HDAC4: variants seen among roughly 807,000 people sequenced by gnomAD.
HDAC4 encodes the protein histone deacetylase 4.
A neutral mutation model predicts 135.1 loss-of-function variants in HDAC4; 16 were observed. The ratio of observed to expected loss-of-function variants is 0.12; its 90% confidence interval spans 0.08 to 0.18. The LOEUF (loss-of-function observed/expected upper bound fraction) is 0.18, where lower values mean the gene tolerates loss of function less well. Ranked by LOEUF, HDAC4 falls within the 10% of genes least tolerant of loss-of-function variation. The pLI is 1.00. For synonymous variants in HDAC4, 685 were observed against 653.4 expected (o/e 1.05, Z -0.74); for missense variants, 1,143 against 1,511.8 (o/e 0.76, Z 4.05).
rs753482334 is a variant in HDAC4 at position 239,095,037 on chromosome 2, G to A, written c.2253C>T (p.Phe751=). The A allele has an allele frequency of 1.5e-5, 25 of 1,613,702 alleles. No homozygotes were observed. Among genetic ancestry groups the A allele is most frequent in the South Asian group, 1.5e-4 (14 of 91,068 alleles). The part of the protein sequence containing the change: ...KKLLGSLASV[F]VRLPCGGVGV... ...CAACACCACCGCAAGGGAGCCGGAC[G>A]AACACGGAGGCGAGCGAGCCTGTGG... The change falls in exon 17 of 27, where the codon TTC becomes TTT. Residue 751 remains phenylalanine, a synonymous_variant. Transcript: ENST00000543185.
chr2:239,335,255 CA>C (rs996617143), intron 2 of HDAC4, among the ~76,000 whole-genome samples: 3 of 151,592 alleles, frequency 2.0e-5, no homozygotes, highest in African/African-American at 7.3e-5. Context: ...TCACTTATGA[CA>C]AAGTTGCATT....
Position 239,141,128 on chromosome 2 carries a change from C to T in HDAC4, c.866-1332G>A, listed in dbSNP as rs1317094866. On this transcript the variant is annotated intron_variant, in intron 8 of 26. Coordinates refer to ENST00000543185, the MANE Select transcript of HDAC4 (RefSeq NM_001378414.1). This position sits in a 1 kb window ranked among gnomAD's most constrained non-coding sequence, Gnocchi z 4.9. ...CAGCAACATCACTCGTCCCAGGCCA[C>T]GTGGCTTGAGGGAACTGTCATGGGC... Among the ~76,000 whole-genome samples, 3 of 152,154 alleles carry T rather than the reference C, an allele frequency of 2.0e-5. No individual in the cohort carries two copies. Among genetic ancestry groups the T allele is most frequent in the Non-Finnish European group, 4.4e-5 (3 of 68,030 alleles).
chr2:239,250,674 G>A (rs982130986), intron 2 of HDAC4, among the ~76,000 whole-genome samples: 1 of 152,236 alleles, frequency 6.6e-6, no homozygotes, highest in Admixed American at 6.5e-5. Flanking sequence ...GAACGTCTTG[G>A]CCTCTCCAAG....
rs192523799 is a variant in HDAC4, at chr2:239,063,394, C to T, written c.3003+3328G>A. ...TTTTTTTTTGTATTTTTAGTAGAGA[C>T]GGGGTTTCACCATGTTAGCCAGGAT... On this transcript the variant is annotated intron_variant, in intron 24 of 26. Coordinates refer to ENST00000543185, the MANE Select transcript of HDAC4 (RefSeq NM_001378414.1). Among the ~76,000 whole-genome samples, 1,188 of 152,022 alleles carry T rather than the reference C, an allele frequency of 7.8e-3. 12 individuals carry two copies. Among genetic ancestry groups the T allele is most frequent in the South Asian group, 0.012 (57 of 4,816 alleles).
chr2:239,094,875 C>G, intron 17 of HDAC4, 135 bp downstream of exon 17: 1 of 1,588,836 alleles, frequency 6.3e-7, no homozygotes, highest in Non-Finnish European at 8.6e-7. Context: ...TTTGAAGCCG[C>G]ACATGGGCAG....
chr2:239,371,990 C>T (rs1392767729), intron 1 of HDAC4, among the ~76,000 whole-genome samples: 6 of 152,338 alleles, frequency 3.9e-5, no homozygotes, highest in African/African-American at 7.2e-5. Context: ...CAGCTGCACC[C>T]GCAGAGCTGC....
At chr2:239,291,330 A>C (rs2051482859) in intron 2 of HDAC4, among the ~76,000 whole-genome samples, 1 of 152,218 alleles carries the variant, frequency 6.6e-6, no homozygotes, top group Non-Finnish European at 1.5e-5. Context: ...TTGCCAGGCC[A>C]GCTGCGACAC....
At chr2:239,375,233 TC>T (rs1456775418) in intron 1 of HDAC4, among the ~76,000 whole-genome samples, 2 of 152,080 alleles carry the variant, frequency 1.3e-5, no homozygotes, top group Admixed American at 6.5e-5. Context: ...GGCCTGGGAA[TC>T]AGAGGAGCAG....
At chr2:239,355,859 G>A (rs1386921239) in intron 1 of HDAC4, among the ~76,000 whole-genome samples, 1 of 152,176 alleles carries the variant, frequency 6.6e-6, no homozygotes, top group Non-Finnish European at 1.5e-5. Flanking sequence ...AAGCTGACAT[G>A]CACGGTTCCT....
chr2:239,104,557 G>A (rs938371822), intron 15 of HDAC4, among the ~76,000 whole-genome samples: 1 of 152,220 alleles, frequency 6.6e-6, no homozygotes, highest in Admixed American at 6.5e-5. Flanking sequence ...ATGACTTCAG[G>A]AAGCCCACAT....
intron 2 of HDAC4, among the ~76,000 whole-genome samples, chr2:239,251,815 C>T (rs55923839): frequency 0.021 from 3,257 of 152,142 alleles, 117 homozygotes; most frequent in African/African-American, 0.075. Flanking sequence ...CCAACAAAAC[C>T]AGCTTTTCTG....
At chr2:239,087,442 G>A in intron 19 of HDAC4, 117 bp downstream of exon 19, 1 of 988,836 alleles carries the variant, frequency 1.0e-6, no homozygotes, top group South Asian at 1.5e-5. Context: ...GGCACATCCT[G>A]GGTGGCCAGC....
At chr2:239,337,490 A>T (rs1692015870) in intron 2 of HDAC4, among the ~76,000 whole-genome samples, 1 of 152,208 alleles carries the variant, frequency 6.6e-6, no homozygotes, top group Non-Finnish European at 1.5e-5. Flanking sequence ...TCACGGGAGT[A>T]AGCAAAATGA....
In HDAC4 at chr2:239,352,286, C is replaced by T. The variant is rs577139373; in HGVS notation, c.22+392G>A. On this transcript the variant is annotated intron_variant, in intron 2 of 26. Coordinates refer to ENST00000543185, the MANE Select transcript of HDAC4 (RefSeq NM_001378414.1). This position sits in a 1 kb window ranked among gnomAD's most constrained non-coding sequence, Gnocchi z 4.4. ...TGAGCTTCTTCCCAGACAGCCCAGA[C>T]GCCCAGTTGGAGGAGCACTCCCACC... Among the ~76,000 whole-genome samples the T allele has an allele frequency of 9.9e-5, 15 of 152,266 alleles. No homozygotes were observed. In the East Asian group the frequency reaches 2.3e-3, roughly 24 times the overall value.
intron 3 of HDAC4, among the ~76,000 whole-genome samples, chr2:239,192,475 T>C (rs1185413813): frequency 2.0e-5 from 3 of 152,180 alleles, no homozygotes; most frequent in Admixed American, 2.0e-4. Context: ...GAATAAAATA[T>C]ATGAAAGGCA....
intron 22 of HDAC4, among the ~76,000 whole-genome samples, chr2:239,075,363 C>G (rs2034636631): frequency 6.6e-6 from 1 of 151,840 alleles, no homozygotes; most frequent in African/African-American, 2.4e-5. Flanking sequence ...TTGGGGCAAC[C>G]TGAGGGGAGA....
chr2:239,396,634 C>T (rs1205226301), intron 1 of HDAC4, among the ~76,000 whole-genome samples: 2 of 152,190 alleles, frequency 1.3e-5, no homozygotes, highest in African/African-American at 2.4e-5. Flanking sequence ...TATATATTGA[C>T]TGTTAAGCTT....
At chr2:239,321,421 C>T (rs549996429) in intron 2 of HDAC4, among the ~76,000 whole-genome samples, 1 of 128,566 alleles carries the variant, frequency 7.8e-6, no homozygotes, top group Admixed American at 1.0e-4. Context: ...GCCGAGATAG[C>T]GCCACTGCAC....
rs369171494 is a variant in HDAC4 at position 239,050,711 on chromosome 2, G to A, written c.*2386C>T. On this transcript the variant is annotated 3_prime_UTR_variant, in exon 27 of 27. Coordinates refer to ENST00000543185, the MANE Select transcript of HDAC4 (RefSeq NM_001378414.1). Reference sequence around the variant, plus strand: ...TCGGCTCTGGGTCCCTCCTGAGCACGGTGTGTCTGAACTTCTGCCCCCAAG... The same window carrying A: ...TCGGCTCTGGGTCCCTCCTGAGCACAGTGTGTCTGAACTTCTGCCCCCAAG... 4 of 152,562 alleles carry A rather than the reference G, an allele frequency of 2.6e-5. No homozygotes were observed. Among genetic ancestry groups the A allele is most frequent in the African/African-American group, 7.2e-5 (3 of 41,430 alleles). The allele number at this position is 152,562 out of a possible 1,614,324, so 9.5% of individuals were successfully genotyped here.
Sources: gnomAD v4.1 joint callset for allele counts (sites outside exome capture counted in the v4.1 genomes callset) on GRCh38, gnomAD v4.1.1 for gene constraint, Gnocchi (gnomAD v3.1) non-coding constraint, MANE v1.5 for transcripts, NCBI Gene and HGNC (gene_info 2026-07-23, HGNC 2026-07-21) for gene names.